XIRP2: variants seen among roughly 807,000 people sequenced by gnomAD.
XIRP2 encodes xin actin-binding repeat-containing protein 2.
In XIRP2, 236 loss-of-function variants were observed where a neutral mutation model predicts 277.0. The observed-to-expected ratio is 0.85, with a 90% confidence interval of 0.77 to 0.95. The LOEUF (loss-of-function observed/expected upper bound fraction) is 0.95, where lower values mean the gene tolerates loss of function less well. Among genes scored for constraint, XIRP2 ranks in the 40% least tolerant of loss-of-function variants. XIRP2 has a pLI of 0.00. For synonymous variants in XIRP2, 1,490 were observed against 1,416.5 expected (o/e 1.05, Z -1.17); for missense variants, 4,640 against 4,157.5 (o/e 1.12, Z -3.19).
intron 2 of XIRP2, among the ~76,000 whole-genome samples, chr2:166,924,131 T>C (rs1685125828): frequency 2.0e-5 from 3 of 152,096 alleles, no homozygotes; most frequent in African/African-American, 7.2e-5. Flanking sequence ...TTCAGAAATC[T>C]TTTTTTGTGT....
chr2:166,945,759 A>G (rs190480898), intron 2 of XIRP2, among the ~76,000 whole-genome samples: 9 of 145,824 alleles, frequency 6.2e-5, no homozygotes, highest in African/African-American at 2.1e-4. Context: ...GTAACCTCCA[A>G]CTCCCGGGTT....
At chr2:167,237,050 G>C in intron 5 of XIRP2, among the ~76,000 whole-genome samples, 1 of 152,088 alleles carries the variant, frequency 6.6e-6, no homozygotes, top group Non-Finnish European at 1.5e-5. Context: ...TTGATGCATT[G>C]ATGCTAACAT....
At chr2:167,029,844 T>C (rs1186331438) in intron 2 of XIRP2, among the ~76,000 whole-genome samples, 5 of 152,258 alleles carry the variant, frequency 3.3e-5, no homozygotes, top group Middle Eastern at 3.4e-3. Flanking sequence ...CTGGGCATTT[T>C]TTGGTTGGTA....
intron 2 of XIRP2, among the ~76,000 whole-genome samples, chr2:166,965,354 T>C (rs1329944556): frequency 6.6e-6 from 1 of 151,868 alleles, no homozygotes; most frequent in Non-Finnish European, 1.5e-5. Context: ...GTGTGACGTT[T>C]TCCTCCAGTA....
At chr2:167,192,147 A>G (rs1693361744) in intron 3 of XIRP2, among the ~76,000 whole-genome samples, 3 of 152,334 alleles carry the variant, frequency 2.0e-5, no homozygotes, top group Admixed American at 2.0e-4. Flanking sequence ...TGAATATCAA[A>G]TAATTTTTGA....
rs1695132425 is a variant in XIRP2, at chr2:167,243,279, T to C, written c.1887T>C (p.Leu629=). The change falls in exon 9 of 11, where the codon CTT becomes CTC. Residue 629 remains leucine, a synonymous_variant. Transcript: ENST00000409195. ...WMFETQPIDT[L]GAYSSDTVEN... is the part of the protein sequence containing the mutation. ...TTGAAACCCAACCCATCGACACACT[T>C]GGGGCTTATTCTTCTGACACTGTAG... The C allele has an allele frequency of 1.2e-6, 2 of 1,613,674 alleles. No homozygotes were observed. Among genetic ancestry groups the C allele is most frequent in the Non-Finnish European group, 1.7e-6 (2 of 1,179,796 alleles).
At chr2:167,172,362 G>A (rs1330290454) in intron 3 of XIRP2, among the ~76,000 whole-genome samples, 1 of 152,184 alleles carries the variant, frequency 6.6e-6, no homozygotes, top group Admixed American at 6.5e-5. Context: ...AATTGCTAAT[G>A]AAGTTTCGGG....
chr2:167,182,224 A>G (rs1205973571), intron 3 of XIRP2, among the ~76,000 whole-genome samples: 1 of 152,204 alleles, frequency 6.6e-6, no homozygotes, highest in African/African-American at 2.4e-5. Flanking sequence ...GGGTCAAAGC[A>G]GATTGCCAAA....
chr2:167,059,283 T>G (rs1200966016), intron 2 of XIRP2, among the ~76,000 whole-genome samples: 1 of 150,908 alleles, frequency 6.6e-6, no homozygotes, highest in Non-Finnish European at 1.5e-5. Context: ...TTTTATTTTT[T>G]TATTTTTTAT....
intron 2 of XIRP2, among the ~76,000 whole-genome samples, chr2:167,114,308 T>G (rs182230071): frequency 6.6e-6 from 1 of 152,318 alleles, no homozygotes; most frequent in Non-Finnish European, 1.5e-5. Context: ...CATATTTCTC[T>G]GAGGTTTTGT....
chr2:167,105,297 C>CA (rs1414447510), intron 2 of XIRP2, among the ~76,000 whole-genome samples: 1 of 151,994 alleles, frequency 6.6e-6, no homozygotes, highest in African/African-American at 2.4e-5. Context: ...ATTTCCTAGT[C>CA]ACAACCACTT....
intron 2 of XIRP2, among the ~76,000 whole-genome samples, chr2:167,115,833 C>T (rs773208568): frequency 3.3e-5 from 5 of 152,260 alleles, no homozygotes; most frequent in African/African-American, 9.6e-5. Context: ...GGGTTGGAAG[C>T]TCTAGCAGAT....
At chr2:166,953,208 A>C (rs986220774) in intron 2 of XIRP2, among the ~76,000 whole-genome samples, 3 of 151,866 alleles carry the variant, frequency 2.0e-5, no homozygotes, top group African/African-American at 7.3e-5. Context: ...CCAGGATACC[A>C]CTATTGTGTT....
chr2:167,224,320 A>G (rs747868897), intron 5 of XIRP2, among the ~76,000 whole-genome samples: 10 of 151,648 alleles, frequency 6.6e-5, no homozygotes, highest in Admixed American at 1.3e-4. Flanking sequence ...TGTAACCCCT[A>G]CCTCCCAGGC....
intron 2 of XIRP2, among the ~76,000 whole-genome samples, chr2:167,008,795 C>T (rs1415779416): frequency 1.3e-5 from 2 of 151,356 alleles, no homozygotes; most frequent in Non-Finnish European, 3.0e-5. Context: ...CCATTCAAAA[C>T]TACAAAGAAA....
At chr2:167,208,587 T>C (rs913907250) in intron 3 of XIRP2, among the ~76,000 whole-genome samples, 2 of 152,068 alleles carry the variant, frequency 1.3e-5, no homozygotes, top group Non-Finnish European at 2.9e-5. Flanking sequence ...GGATTACAGG[T>C]GTGAGCCACC....
intron 5 of XIRP2, among the ~76,000 whole-genome samples, chr2:167,239,070 T>C (rs1273214294): frequency 6.6e-6 from 1 of 152,168 alleles, no homozygotes; most frequent in Non-Finnish European, 1.5e-5. Flanking sequence ...ATAATTTATA[T>C]TGGTTACATT....
intron 2 of XIRP2, among the ~76,000 whole-genome samples, chr2:166,938,026 T>G (rs1685570035): frequency 6.6e-6 from 1 of 152,192 alleles, no homozygotes; most frequent in Admixed American, 6.5e-5. Flanking sequence ...TCAATTTTGT[T>G]GATCTTTTCA....
intron 2 of XIRP2, among the ~76,000 whole-genome samples, chr2:167,109,770 A>G (rs1394933054): frequency 1.3e-5 from 2 of 152,146 alleles, no homozygotes; most frequent in Non-Finnish European, 2.9e-5. Flanking sequence ...ACAGTGGTTG[A>G]GCTAATTTAC....
Sources: allele counts gnomAD v4.1 joint callset (sites outside exome capture counted in the v4.1 genomes callset), GRCh38; gene constraint gnomAD v4.1.1; transcripts MANE v1.5; gene names NCBI Gene and HGNC (gene_info 2026-07-23, HGNC 2026-07-21).